Variants in ATP10D observed in about 807,000 individuals in gnomAD.
ATP10D encodes the protein ATPase phospholipid transporting 10D (putative).
Under a neutral mutation model 144.8 loss-of-function variants are expected in ATP10D, and 89 were observed. The observed-to-expected ratio is 0.61, with a 90% CI of 0.52 to 0.73. The LOEUF (loss-of-function observed/expected upper bound fraction) is 0.73. Ranked by LOEUF, ATP10D falls within the 30% of genes least tolerant of loss-of-function variation. The pLI, the probability that ATP10D is intolerant of heterozygous loss-of-function variation, is 0.00. For missense variants in ATP10D, 1,603 were observed against 1,714.8 expected (o/e 0.93, Z 1.15); for synonymous variants, 571 against 615.1 (o/e 0.93, Z 1.06).
intron 1 of ATP10D, among the ~76,000 whole-genome samples, chr4:47,490,036 G>T (rs1210466401): frequency 6.6e-6 from 1 of 152,002 alleles, no homozygotes; most frequent in East Asian, 1.9e-4. Context: ...TAATTTTCTT[G>T]GTTATGAGAA....
rs73140018 is a variant in ATP10D, at chr4:47,528,059, C to T, written c.776+2417C>T. Among the ~76,000 whole-genome samples the T allele has an allele frequency of 6.9e-3, 1,056 of 152,092 alleles. 15 individuals are homozygous for T. Among genetic ancestry groups the T allele is most frequent in the African/African-American group, 0.023 (966 of 41,490 alleles). On this transcript the variant is annotated intron_variant, in intron 5 of 22. Coordinates refer to ENST00000273859, the MANE Select transcript of ATP10D (RefSeq NM_020453.4). ...TAAAATTCTAGGAAAAGTAACAGTGCGATGGAAGGAAATGTAGAATATAAT... is the reference window on the plus strand; with the variant it reads ...TAAAATTCTAGGAAAAGTAACAGTGTGATGGAAGGAAATGTAGAATATAAT...
chr4:47,502,552 A>G (rs1230561868), intron 1 of ATP10D, among the ~76,000 whole-genome samples: 1 of 149,112 alleles, frequency 6.7e-6, no homozygotes, highest in African/African-American at 2.4e-5. Flanking sequence ...CATAAAATAT[A>G]TATATATTTG....
intron 1 of ATP10D, among the ~76,000 whole-genome samples, chr4:47,499,605 T>C (rs1410405813): frequency 1.3e-5 from 2 of 152,178 alleles, no homozygotes. Context: ...AAGGCATCAC[T>C]ATAAAGAATA....
intron 1 of ATP10D, among the ~76,000 whole-genome samples, chr4:47,502,435 A>C (rs939810709): frequency 6.6e-6 from 1 of 151,414 alleles, no homozygotes; most frequent in Admixed American, 6.6e-5. Context: ...GCGCCACTGC[A>C]CTCCAGCCTG....
At position 47,572,912 on chromosome 4, in the gene ATP10D, AT is replaced by A. The variant is rs770632915; in HGVS notation, c.3282del (p.Leu1095SerfsTer19). ...ASDFAVSQFKHLSKLLLVHGH... is the reference protein window; with the variant it reads ...ASDFAVSQFKXLSKLLLVHGH... ...GACTTTGCCGTTTCTCAGTTCAAAC[AT>A]CTCAGCAAGCTCCTTCTTGTCCATG... On this transcript the variant is annotated frameshift_variant, in exon 18 of 23. Coordinates refer to ENST00000273859, the MANE Select transcript of ATP10D (RefSeq NM_020453.4). LOFTEE classifies it high-confidence loss of function. 7.7e-5 allele frequency: 124 copies of A among 1,614,020 alleles called. 1 individual carries two copies. Among genetic ancestry groups the A allele is most frequent in the Non-Finnish European group, 1.0e-4 (118 of 1,180,042 alleles).
intron 18 of ATP10D, among the ~76,000 whole-genome samples, chr4:47,574,727 G>A (rs1409167533): frequency 6.6e-6 from 1 of 152,054 alleles, no homozygotes; most frequent in Admixed American, 6.6e-5. Flanking sequence ...CTTGTCCTGA[G>A]GTTCTAGTGT....
At position 47,572,904 on chromosome 4, in the gene ATP10D, G is replaced by T. The variant is rs777145546; in HGVS notation, c.3273G>T (p.Gln1091His). 14 of 1,614,144 alleles carry T rather than the reference G, an allele frequency of 8.7e-6. No homozygotes were observed. Among genetic ancestry groups the T allele is most frequent in the Non-Finnish European group, 1.2e-5 (14 of 1,180,032 alleles). ...AVMASDFAVS[Q>H]FKHLSKLLLV... ...TGGCCAGTGACTTTGCCGTTTCTCAGTTCAAACATCTCAGCAAGCTCCTTC... is the reference window on the plus strand; with the variant it reads ...TGGCCAGTGACTTTGCCGTTTCTCATTTCAAACATCTCAGCAAGCTCCTTC... Residue 1091 changes from glutamine to histidine, a missense_variant, in exon 18 of 23, where the codon CAG (glutamine) becomes CAT (histidine). Transcript: ENST00000273859.
At chr4:47,561,829 A>T (rs185914133) in intron 14 of ATP10D, among the ~76,000 whole-genome samples, 7 of 152,294 alleles carry the variant, frequency 4.6e-5, no homozygotes, top group African/African-American at 1.7e-4. Flanking sequence ...AAAGGCGGTC[A>T]AGTTTGAGAA....
chr4:47,572,282 A>C, intron 17 of ATP10D, 52 bp downstream of exon 17: 1 of 1,497,286 alleles, frequency 6.7e-7, no homozygotes. Context: ...GCCCATCCAA[A>C]GGCAGCATTC....
At chr4:47,546,348 T>C (rs1718429455) in intron 9 of ATP10D, among the ~76,000 whole-genome samples, 1 of 151,804 alleles carries the variant, frequency 6.6e-6, no homozygotes, top group South Asian at 2.1e-4. Context: ...AGAGATGCTT[T>C]GTCCACAGTA....
At chr4:47,514,118 C>T (rs1716503977) in intron 2 of ATP10D, among the ~76,000 whole-genome samples, 1 of 152,206 alleles carries the variant, frequency 6.6e-6, no homozygotes, top group South Asian at 2.1e-4. Context: ...TAAATGTATT[C>T]AAGACGCCAA....
intron 3 of ATP10D, among the ~76,000 whole-genome samples, chr4:47,520,911 C>T (rs1171765363): frequency 6.6e-6 from 1 of 152,140 alleles, no homozygotes; most frequent in East Asian, 1.9e-4. Context: ...ATTACACTTT[C>T]TTCTTCACTC....
intron 5 of ATP10D, among the ~76,000 whole-genome samples, chr4:47,529,171 T>G (rs1560426784): frequency 2.0e-5 from 3 of 152,198 alleles, no homozygotes; most frequent in Non-Finnish European, 1.5e-5. Context: ...TATTTTTGTT[T>G]TGTTGCATTT....
intron 1 of ATP10D, 58 bp from the exon 2 acceptor site, chr4:47,512,446 C>A: frequency 8.8e-7 from 1 of 1,140,340 alleles, no homozygotes; most frequent in Non-Finnish European, 1.3e-6. Context: ...ATTAAAATTT[C>A]ACTATCTTTG....
chr4:47,513,034 A>G (rs533475960), intron 2 of ATP10D, among the ~76,000 whole-genome samples: 2,064 of 152,284 alleles, frequency 0.014, 20 homozygotes, highest in Non-Finnish European at 0.023. Context: ...TCTCTTTACC[A>G]GAAAAGATAT....
At position 47,553,528 on chromosome 4, in the gene ATP10D, T is replaced by G. The variant is rs193177914; in HGVS notation, c.1636-1198T>G. 4.1e-3 allele frequency among the ~76,000 whole-genome samples: 623 copies of G among 152,326 alleles called. 2 individuals carry two copies. Among genetic ancestry groups the G allele is most frequent in the Non-Finnish European group, 7.1e-3 (484 of 68,020 alleles). ...GAGAAAGAAAGAAGGAAAAGGAACATTAAATGACTTAGGTTCCTGTTCTAC... is the reference window on the plus strand; with the variant it reads ...GAGAAAGAAAGAAGGAAAAGGAACAGTAAATGACTTAGGTTCCTGTTCTAC... On this transcript the variant is annotated intron_variant, in intron 10 of 22. Coordinates refer to ENST00000273859, the MANE Select transcript of ATP10D (RefSeq NM_020453.4).
chr4:47,497,379 G>C (rs190171623), intron 1 of ATP10D, among the ~76,000 whole-genome samples: 1 of 151,970 alleles, frequency 6.6e-6, no homozygotes, highest in African/African-American at 2.4e-5. Context: ...CGCTTGAACC[G>C]GGGAGACCGA....
chr4:47,495,847 T>C (rs1270721135), intron 1 of ATP10D, among the ~76,000 whole-genome samples: 3 of 152,014 alleles, frequency 2.0e-5, no homozygotes, highest in South Asian at 2.1e-4. Flanking sequence ...AAGCAATTCT[T>C]CTGCCTCAGC....
intron 1 of ATP10D, among the ~76,000 whole-genome samples, chr4:47,497,792 T>G (rs1715468297): frequency 6.6e-6 from 1 of 152,252 alleles, no homozygotes; most frequent in East Asian, 1.9e-4. Context: ...TGCCACTAAC[T>G]TGCTGTGTAA....
Sources: allele counts gnomAD v4.1 joint callset (sites outside exome capture counted in the v4.1 genomes callset), GRCh38; gene constraint gnomAD v4.1.1; transcripts MANE v1.5; gene names NCBI Gene and HGNC (gene_info 2026-07-23, HGNC 2026-07-21).